Variants in GRIA1 observed in about 807,000 individuals in gnomAD.
The protein encoded by GRIA1 is glutamate ionotropic receptor AMPA type subunit 1.
A neutral mutation model predicts 99.2 loss-of-function variants in GRIA1; 31 were observed. The ratio of observed to expected loss-of-function variants is 0.31; its 90% CI spans 0.23 to 0.42. GRIA1 has a LOEUF of 0.42. Ranked by LOEUF, GRIA1 falls within the 10% of genes least tolerant of loss-of-function variation. GRIA1 has a pLI of 1.00. For missense variants in GRIA1, 782 were observed against 1,157.5 expected (o/e 0.68, Z 4.71); for synonymous variants, 438 against 432.4 (o/e 1.01, Z -0.16).
At chr5:153,785,654 A>C (rs957574372) in intron 13 of GRIA1, among the ~76,000 whole-genome samples, 4 of 152,230 alleles carry the variant, frequency 2.6e-5, no homozygotes, top group Admixed American at 6.5e-5. Flanking sequence ...TTCTTTTCCC[A>C]TTGATGAGTG....
At chr5:153,674,790 G>T in intron 6 of GRIA1, 129 bp downstream of exon 6, 2 of 1,000,378 alleles carry the variant, frequency 2.0e-6, no homozygotes, top group African/African-American at 1.6e-5. Context: ...AAATATATTT[G>T]TAAAGATTAT....
chr5:153,690,536 A>T (rs1207651236), intron 8 of GRIA1, among the ~76,000 whole-genome samples: 1 of 152,174 alleles, frequency 6.6e-6, no homozygotes, highest in East Asian at 1.9e-4. Context: ...GGATTCGGAA[A>T]AGTAGCTCCT....
intron 13 of GRIA1, 24 bp downstream of exon 13, chr5:153,770,439 T>C: frequency 1.2e-6 from 2 of 1,603,064 alleles, no homozygotes; most frequent in Non-Finnish European, 1.7e-6. Context: ...ATTTGCTTCC[T>C]TGGTACTCCC....
intron 10 of GRIA1, among the ~76,000 whole-genome samples, chr5:153,702,095 A>G (rs1263334062): frequency 3.3e-5 from 5 of 152,214 alleles, no homozygotes; most frequent in Admixed American, 3.3e-4. Context: ...GAGTCAGAAC[A>G]TGCAGCTCTG....
At chr5:153,805,179 G>A (rs1424395278) in intron 15 of GRIA1, among the ~76,000 whole-genome samples, 1 of 152,144 alleles carries the variant, frequency 6.6e-6, no homozygotes, top group Non-Finnish European at 1.5e-5. Context: ...TAAGCCCTCA[G>A]TAAATAATAA....
intron 2 of GRIA1, among the ~76,000 whole-genome samples, chr5:153,579,876 A>C (rs948371639): frequency 6.9e-6 from 1 of 145,478 alleles, no homozygotes; most frequent in Non-Finnish European, 1.5e-5. Flanking sequence ...CTTGTGAAAA[A>C]ACAAAAACAA....
chr5:153,640,007 G>T (rs1753675115), intron 2 of GRIA1, among the ~76,000 whole-genome samples: 1 of 152,218 alleles, frequency 6.6e-6, no homozygotes, highest in Non-Finnish European at 1.5e-5. Flanking sequence ...GTGCTTCTTT[G>T]CATTTACTTC....
At chr5:153,693,505 A>G (rs1041969771) in intron 8 of GRIA1, among the ~76,000 whole-genome samples, 1 of 152,144 alleles carries the variant, frequency 6.6e-6, no homozygotes, top group Non-Finnish European at 1.5e-5. Flanking sequence ...GGAGATACCA[A>G]TTTCTGAATT....
chr5:153,588,652 A>C (rs1383030057), intron 2 of GRIA1, among the ~76,000 whole-genome samples: 1 of 152,228 alleles, frequency 6.6e-6, no homozygotes, highest in Non-Finnish European at 1.5e-5. Flanking sequence ...TTGAAATTAT[A>C]GTGTAAAGTT....
chr5:153,709,366 T>A (rs770831062), intron 11 of GRIA1, among the ~76,000 whole-genome samples: 3 of 152,236 alleles, frequency 2.0e-5, no homozygotes, highest in Non-Finnish European at 2.9e-5. Flanking sequence ...GGGAAATCAA[T>A]TTCATCTGAA....
At chr5:153,795,908 C>T (rs138075502) in intron 14 of GRIA1, among the ~76,000 whole-genome samples, 1,717 of 152,034 alleles carry the variant, frequency 0.011, 13 homozygotes, top group Non-Finnish European at 0.018. Flanking sequence ...GGGACAGGGC[C>T]GTTTAGCACA....
intron 10 of GRIA1, among the ~76,000 whole-genome samples, chr5:153,701,432 G>T (rs749908758): frequency 2.0e-4 from 30 of 151,884 alleles, no homozygotes; most frequent in Non-Finnish European, 8.8e-5. Flanking sequence ...GGCTAACACA[G>T]TGAAACCCCA....
upstream of GRIA1, chr5:153,489,634 G>A (rs531459054): frequency 5.9e-5 from 16 of 270,296 alleles, no homozygotes; most frequent in East Asian, 8.5e-4. Context: ...ATTCTGTGGC[G>A]GCTAGTGGCT....
intron 2 of GRIA1, among the ~76,000 whole-genome samples, chr5:153,552,823 G>A (rs11746811): frequency 0.47 from 70,988 of 152,020 alleles, 18,308 homozygotes; most frequent in Non-Finnish European, 0.59. Context: ...GAGATCTTCT[G>A]GTCTGTCCTT....
Position 153,686,336 on chromosome 5 carries a change from T to C in GRIA1, c.1134+7T>C. 1.2e-6 allele frequency: 2 copies of C among 1,604,954 alleles called. No homozygotes were observed. The highest frequency in any genetic ancestry group is 1.7e-6 in the Non-Finnish European group (2 of 1,171,848). On this transcript the variant is annotated splice_region_variant and intron_variant, in intron 8 of 15. Coordinates refer to ENST00000285900, the MANE Select transcript of GRIA1 (RefSeq NM_000827.4). ...ACATGACGGCATCCGAAAGGTAAGG[T>C]CCCCCTTTACTTCTGTTCTGCAGAG...
chr5:153,694,821 C>T (rs1230590214), intron 8 of GRIA1, among the ~76,000 whole-genome samples: 1 of 152,126 alleles, frequency 6.6e-6, no homozygotes, highest in African/African-American at 2.4e-5. Context: ...AAGCAACTTC[C>T]TTTCTACTGA....
intron 2 of GRIA1, among the ~76,000 whole-genome samples, chr5:153,551,197 C>A (rs369981848): frequency 1.3e-5 from 2 of 152,150 alleles, no homozygotes; most frequent in Non-Finnish European, 2.9e-5. Flanking sequence ...ATTCCCTACA[C>A]CAAATCGGCC....
chr5:153,690,823 A>T (rs1237374802), intron 8 of GRIA1, among the ~76,000 whole-genome samples: 1 of 152,182 alleles, frequency 6.6e-6, no homozygotes, highest in Non-Finnish European at 1.5e-5. Context: ...TCCTTTGTTT[A>T]TGGGGGATCT....
intron 2 of GRIA1, among the ~76,000 whole-genome samples, chr5:153,624,478 C>T (rs1767391707): frequency 2.0e-5 from 3 of 152,188 alleles, no homozygotes; most frequent in Admixed American, 2.0e-4. Flanking sequence ...TCCTCCTCCC[C>T]TGATGCATTT....
Sources: gnomAD v4.1 joint callset for allele counts (sites outside exome capture counted in the v4.1 genomes callset) on GRCh38, gnomAD v4.1.1 for gene constraint, MANE v1.5 for transcripts, NCBI Gene and HGNC (gene_info 2026-07-23, HGNC 2026-07-21) for gene names.